PRUNE2: variants seen among roughly 807,000 people sequenced by gnomAD.
PRUNE2 encodes protein prune homolog 2.
In PRUNE2, 164 loss-of-function variants were observed where a neutral mutation model predicts 252.0. The ratio of observed to expected loss-of-function variants is 0.65; its 90% CI spans 0.57 to 0.74. PRUNE2 has a LOEUF of 0.74. Among genes scored for constraint, PRUNE2 ranks in the 30% least tolerant of loss-of-function variants. The pLI is 0.00. For synonymous variants in PRUNE2, 1,292 were observed against 1,350.2 expected, an observed-to-expected ratio of 0.96 and a Z score of 0.94; for missense variants, 3,495 against 3,711.0, an observed-to-expected ratio of 0.94 and a Z score of 1.51.
intron 6 of PRUNE2, among the ~76,000 whole-genome samples, chr9:76,729,974 T>C (rs566249095): frequency 3.9e-5 from 6 of 152,354 alleles, no homozygotes; most frequent in African/African-American, 1.2e-4. Flanking sequence ...TTTGAGACCA[T>C]ATTTTTCTTG....
intron 1 of PRUNE2, among the ~76,000 whole-genome samples, chr9:76,888,641 GT>G (rs1420398824): frequency 1.3e-5 from 2 of 151,284 alleles, no homozygotes; most frequent in Non-Finnish European, 2.9e-5. Flanking sequence ...AGACCAAAAG[GT>G]GTTGAGGGGA....
intron 9 of PRUNE2, among the ~76,000 whole-genome samples, chr9:76,678,882 C>T (rs532472699): frequency 1.3e-5 from 2 of 152,254 alleles, no homozygotes; most frequent in Non-Finnish European, 2.9e-5. Context: ...TCCCTTCCTT[C>T]GAGAAGCACA....
At chr9:76,769,397 T>C (rs2130904462) in intron 6 of PRUNE2, among the ~76,000 whole-genome samples, 1 of 152,348 alleles carries the variant, frequency 6.6e-6, no homozygotes, top group African/African-American at 2.4e-5. Flanking sequence ...CCTCTATTGA[T>C]GGACATTAAG....
intron 6 of PRUNE2, among the ~76,000 whole-genome samples, chr9:76,752,749 T>C (rs1043818743): frequency 6.6e-6 from 1 of 152,124 alleles, no homozygotes; most frequent in African/African-American, 2.4e-5. Flanking sequence ...CCAATCTACA[T>C]ATAGAAGACT....
rs139939805 is a variant in PRUNE2, at chr9:76,706,640, G to T, written c.5634C>A (p.Pro1878=). The T allele has an allele frequency of 1.2e-5, 20 of 1,613,832 alleles. No homozygotes were observed. Among genetic ancestry groups the T allele is most frequent in the Non-Finnish European group, 1.7e-5 (20 of 1,179,826 alleles). ...WGVPVQGDIE[P]VETHYTNPFS... is the part of the protein sequence containing the mutation. Reference sequence around the variant, plus strand: ...AAGGATTAGTATAGTGTGTTTCCACGGGCTCAATATCACCCTGAACTGGTA... The same window carrying T: ...AAGGATTAGTATAGTGTGTTTCCACTGGCTCAATATCACCCTGAACTGGTA... Residue 1878 remains proline, a synonymous_variant, in exon 8 of 19, where the codon CCC becomes CCA. Transcript: ENST00000376718.
intron 6 of PRUNE2, among the ~76,000 whole-genome samples, chr9:76,744,879 T>C (rs1220585878): frequency 6.6e-6 from 1 of 152,174 alleles, no homozygotes; most frequent in Admixed American, 6.5e-5. Context: ...TGAACACCAC[T>C]CTATGCCTCG....
rs548865713 is a variant in PRUNE2, at chr9:76,795,548, TGGGG to T, written c.756+28080_756+28083del. ...CTGATTTTGAGTTACTAATAGCCCC[TGGGG>T]GGGAGCATGTTCTCCCAAAAGTGAT... is the stretch of plus-strand genomic sequence containing the variant. On this transcript the variant is annotated intron_variant, in intron 6 of 18. Transcript: ENST00000376718. 9.6e-3 allele frequency among the ~76,000 whole-genome samples: 1,459 copies of T among 152,166 alleles called. 21 individuals carry two copies. Among genetic ancestry groups the T allele is most frequent in the African/African-American group, 0.033 (1,386 of 41,512 alleles).
At position 76,661,380 on chromosome 9, in the gene PRUNE2, T is replaced by C. The variant is rs1337239000; in HGVS notation, c.8277-5878A>G. The stretch of plus-strand genomic sequence containing the variant: ...GCCTCAGCCTCCCAAGTAGCTAGGA[T>C]TACAGGCACCTGCCACCATGCCCAG... On this transcript the variant is annotated intron_variant, in intron 9 of 18. Transcript: ENST00000376718. 2.6e-5 allele frequency among the ~76,000 whole-genome samples: 4 copies of C among 152,146 alleles called. 1 individual carries two copies. The highest frequency in any genetic ancestry group is 2.9e-5 in the Non-Finnish European group (2 of 68,024).
At chr9:76,841,937 T>TCC (rs911099005) in intron 4 of PRUNE2, among the ~76,000 whole-genome samples, 2 of 151,952 alleles carry the variant, frequency 1.3e-5, no homozygotes, top group African/African-American at 4.8e-5. Context: ...CCCTATTGAA[T>TCC]CCCCACCTGA....
intron 6 of PRUNE2, among the ~76,000 whole-genome samples, chr9:76,773,438 C>CTTTTT (rs35078779): frequency 3.7e-5 from 4 of 107,600 alleles, no homozygotes; most frequent in Non-Finnish European, 7.4e-5. Flanking sequence ...ACTAGTACAT[C>CTTTTT]TTTTTTTTTT....
chr9:76,901,978 T>C (rs564384678), intron 1 of PRUNE2, among the ~76,000 whole-genome samples: 1 of 152,116 alleles, frequency 6.6e-6, no homozygotes, highest in South Asian at 2.1e-4. Context: ...ACCTACATCA[T>C]AGGGCATGAG....
At chr9:76,847,325 CA>C (rs1428565337) in intron 3 of PRUNE2, among the ~76,000 whole-genome samples, 2 of 141,928 alleles carry the variant, frequency 1.4e-5, no homozygotes, top group African/African-American at 2.7e-5. Flanking sequence ...GAATCTGTCT[CA>C]GGGAAAAAAA....
At chr9:76,666,536 CCTCT>C (rs1218725273) in intron 9 of PRUNE2, among the ~76,000 whole-genome samples, 1 of 152,100 alleles carries the variant, frequency 6.6e-6, no homozygotes, top group East Asian at 1.9e-4. Context: ...TCTCTCTCTC[CCTCT>C]CTCTCTGCCT....
chr9:76,878,040 G>A (rs955598606), intron 1 of PRUNE2, among the ~76,000 whole-genome samples: 2 of 152,188 alleles, frequency 1.3e-5, no homozygotes, highest in African/African-American at 4.8e-5. Context: ...AGCTGCATCA[G>A]CAAGATGCTG....
intron 6 of PRUNE2, among the ~76,000 whole-genome samples, chr9:76,719,891 C>A (rs184811325): frequency 1.7e-3 from 257 of 152,238 alleles, no homozygotes; most frequent in African/African-American, 5.8e-3. Flanking sequence ...AAATGATCCT[C>A]CCACCTTGGC....
intron 6 of PRUNE2, among the ~76,000 whole-genome samples, chr9:76,745,945 A>G (rs2050066296): frequency 6.6e-6 from 1 of 152,216 alleles, no homozygotes; most frequent in African/African-American, 2.4e-5. Flanking sequence ...AGGTAAAGGG[A>G]ATAGCCTGTG....
intron 6 of PRUNE2, among the ~76,000 whole-genome samples, chr9:76,719,955 T>G (rs370066389): frequency 6.6e-6 from 1 of 152,202 alleles, no homozygotes; most frequent in African/African-American, 2.4e-5. Context: ...CCTAGAAATA[T>G]ATCCTAACGA....
chr9:76,683,673 C>T (rs190911936), intron 9 of PRUNE2, among the ~76,000 whole-genome samples: 7 of 152,160 alleles, frequency 4.6e-5, no homozygotes, highest in Middle Eastern at 3.4e-3. Flanking sequence ...ATTAGGCACA[C>T]CTTCATATAT....
At chr9:76,751,699 G>T (rs1237232035) in intron 6 of PRUNE2, among the ~76,000 whole-genome samples, 1 of 152,152 alleles carries the variant, frequency 6.6e-6, no homozygotes, top group East Asian at 1.9e-4. Context: ...AATACTACTA[G>T]AAACTCTTAC....
Sources: gnomAD v4.1 joint callset for allele counts (sites outside exome capture counted in the v4.1 genomes callset) on GRCh38, gnomAD v4.1.1 for gene constraint, MANE v1.5 for transcripts, NCBI Gene and HGNC (gene_info 2026-07-23, HGNC 2026-07-21) for gene names.